The following TRIM2 variants were observed in gnomAD, a reference collection of about 807,000 sequenced individuals.
TRIM2 encodes the protein tripartite motif containing 2.
Under a neutral mutation model 75.2 loss-of-function variants are expected in TRIM2, and 20 were observed. The observed-to-expected ratio is 0.27, with a 90% CI of 0.19 to 0.39. The LOEUF (loss-of-function observed/expected upper bound fraction) is 0.39. Ranked by LOEUF, TRIM2 falls within the 10% of genes least tolerant of loss-of-function variation. TRIM2 has a pLI of 1.00. For missense variants in TRIM2, 660 were observed against 990.8 expected, an observed-to-expected ratio of 0.67 and a Z score of 4.48; for synonymous variants, 373 against 388.3, an observed-to-expected ratio of 0.96 and a Z score of 0.46.
chr4:153,206,698 CA>C (rs1429039571), intron 1 of TRIM2, among the ~76,000 whole-genome samples: 1 of 152,074 alleles, frequency 6.6e-6, no homozygotes, highest in Admixed American at 6.6e-5. Flanking sequence ...GAAACAGGGT[CA>C]GGGGGTGTGT....
At chr4:153,193,412 T>C (rs1343045776) in intron 1 of TRIM2, among the ~76,000 whole-genome samples, 1 of 152,210 alleles carries the variant, frequency 6.6e-6, no homozygotes, top group Non-Finnish European at 1.5e-5. Flanking sequence ...ATTACAGGCA[T>C]GAGCCACCGC....
intron 6 of TRIM2, chr4:153,308,392 T>G: frequency 1.1e-6 from 1 of 909,950 alleles, no homozygotes; most frequent in Non-Finnish European, 1.9e-6. Flanking sequence ...AGGGAGTCCT[T>G]GTTGGTTCCC....
At chr4:153,190,816 C>A (rs957233030) in intron 1 of TRIM2, among the ~76,000 whole-genome samples, 3 of 152,208 alleles carry the variant, frequency 2.0e-5, no homozygotes, top group Non-Finnish European at 4.4e-5. Flanking sequence ...CAGCTCACTG[C>A]AACCTCTGCC....
chr4:153,279,450 A>G (rs992096887), intron 3 of TRIM2, among the ~76,000 whole-genome samples: 4 of 131,462 alleles, frequency 3.0e-5, no homozygotes, highest in African/African-American at 1.5e-4. Flanking sequence ...TTTAAAAGTT[A>G]ATAATTATTT....
chr4:153,300,422 G>A (rs1763634473), intron 6 of TRIM2, among the ~76,000 whole-genome samples: 1 of 152,118 alleles, frequency 6.6e-6, no homozygotes, highest in African/African-American at 2.4e-5. Flanking sequence ...TGGGACCACA[G>A]ATATGTGCCG....
chr4:153,292,684 C>T (rs142096118), intron 3 of TRIM2, among the ~76,000 whole-genome samples: 16 of 152,282 alleles, frequency 1.1e-4, no homozygotes, highest in Non-Finnish European at 2.2e-4. Flanking sequence ...AAGATTATAA[C>T]GGGGTCCTGA....
chr4:153,321,013 T>C (rs1235947051), intron 8 of TRIM2, among the ~76,000 whole-genome samples: 1 of 152,232 alleles, frequency 6.6e-6, no homozygotes. Flanking sequence ...GTGGTTCTTA[T>C]AGTTTCCCTG....
chr4:153,332,506 G>A (rs1309194312), intron 11 of TRIM2, among the ~76,000 whole-genome samples: 3 of 152,106 alleles, frequency 2.0e-5, no homozygotes, highest in Non-Finnish European at 4.4e-5. Flanking sequence ...TTAGCTGGGT[G>A]TGGTGGTGTG....
At chr4:153,171,468 C>G (rs1730841828) in intron 1 of TRIM2, among the ~76,000 whole-genome samples, 1 of 152,156 alleles carries the variant, frequency 6.6e-6, no homozygotes, top group Non-Finnish European at 1.5e-5. Flanking sequence ...TGCCTGTAAT[C>G]CCAGCTACTT....
chr4:153,291,822 A>G (rs577469464), intron 3 of TRIM2, among the ~76,000 whole-genome samples: 1 of 152,318 alleles, frequency 6.6e-6, no homozygotes, highest in African/African-American at 2.4e-5. Context: ...GCCAGGTGCC[A>G]TCTGAGTTCT....
rs1174289847 is a variant in TRIM2 at position 153,270,467 on chromosome 4, G to C, written c.163G>C (p.Glu55Gln). 15 of 1,613,600 alleles carry C rather than the reference G, an allele frequency of 9.3e-6. No individual in the cohort carries two copies. Among genetic ancestry groups the C allele is most frequent in the Admixed American group, 3.3e-5 (2 of 59,938 alleles). Residue 55 changes from glutamate to glutamine, a missense_variant, in exon 2 of 12, where the codon GAA becomes CAA. Coordinates refer to ENST00000338700, the MANE Select transcript of TRIM2 (RefSeq NM_015271.5). ...GTTTCTGATTTGCAGTATATGCCTGGAACGGTACAAGAATCCCAAGGTTCT... is the reference window on the plus strand; with the variant it reads ...GTTTCTGATTTGCAGTATATGCCTGCAACGGTACAAGAATCCCAAGGTTCT... ...KQFLICSICL[E>Q]RYKNPKVLPC...
intron 1 of TRIM2, chr4:153,257,378 T>C (rs1335940817): frequency 1.8e-6 from 2 of 1,122,218 alleles, no homozygotes; most frequent in Non-Finnish European, 2.2e-6. Flanking sequence ...TTTGCTGCAG[T>C]CTTTTCAACA....
At chr4:153,293,702 C>G (rs1762256364) in intron 4 of TRIM2, among the ~76,000 whole-genome samples, 1 of 152,238 alleles carries the variant, frequency 6.6e-6, no homozygotes, top group Admixed American at 6.5e-5. Context: ...AATCTCTCCA[C>G]TGATAGCTGT....
At chr4:153,312,257 T>C (rs2150226461) in intron 6 of TRIM2, among the ~76,000 whole-genome samples, 1 of 152,120 alleles carries the variant, frequency 6.6e-6, no homozygotes, top group Non-Finnish European at 1.5e-5. Context: ...TCATTTTTTA[T>C]GGCTGCATAG....
chr4:153,338,845 T>C lies in TRIM2; in HGVS notation c.*3879T>C. The stretch of plus-strand genomic sequence containing the variant: ...CAGCCTTAAACTCAATGCTTTTGCT[T>C]TATGACATGGGAATGTTCTGTCATC... On this transcript the variant is annotated 3_prime_UTR_variant, in exon 12 of 12. Transcript: ENST00000338700. The C allele has an allele frequency of 1.0e-6, 1 of 985,854 alleles. No homozygotes were observed. Among genetic ancestry groups the C allele is most frequent in the South Asian group, 4.7e-5 (1 of 21,280 alleles). The allele number at this position is 985,854 out of a possible 1,614,324, so 61.1% of individuals were successfully genotyped here. A position where few individuals can be genotyped will look rare whatever the true frequency, so the allele number is the denominator to read the frequency against.
At chr4:153,257,579 T>G in intron 1 of TRIM2, 1 of 1,289,816 alleles carries the variant, frequency 7.8e-7, no homozygotes, top group African/African-American at 1.5e-5. Flanking sequence ...GAAGATATGC[T>G]GGGCTTCTGA....
At chr4:153,260,148 G>T (rs781227006) in intron 1 of TRIM2, among the ~76,000 whole-genome samples, 4 of 152,036 alleles carry the variant, frequency 2.6e-5, no homozygotes, top group Non-Finnish European at 5.9e-5. Flanking sequence ...TTCCCTTCTT[G>T]CTAGTTTCTT....
intron 3 of TRIM2, among the ~76,000 whole-genome samples, chr4:153,281,624 A>G (rs2150085393): frequency 6.6e-6 from 1 of 152,374 alleles, no homozygotes; most frequent in African/African-American, 2.4e-5. Flanking sequence ...CAATTCATTA[A>G]CAATAAAGCA....
At chr4:153,263,702 G>T (rs1754164614) in intron 1 of TRIM2, among the ~76,000 whole-genome samples, 2 of 152,196 alleles carry the variant, frequency 1.3e-5, no homozygotes, top group Non-Finnish European at 2.9e-5. Context: ...CCATGGATTG[G>T]ATGACTTAAA....
Sources: gnomAD v4.1 joint callset for allele counts (sites outside exome capture counted in the v4.1 genomes callset) on GRCh38, gnomAD v4.1.1 for gene constraint, MANE v1.5 for transcripts, NCBI Gene and HGNC (gene_info 2026-07-23, HGNC 2026-07-21) for gene names.